The following SDHC variants were observed in gnomAD, a reference collection of about 807,000 sequenced individuals.
The protein encoded by SDHC is succinate dehydrogenase complex subunit C, also known as succinate dehydrogenase cytochrome b560 subunit, mitochondrial.
In SDHC, 11 loss-of-function variants were observed where a neutral mutation model predicts 22.6. The ratio of observed to expected loss-of-function variants is 0.49; its 90% CI spans 0.31 to 0.81. The LOEUF (loss-of-function observed/expected upper bound fraction) is 0.81, where lower values mean the gene tolerates loss of function less well. SDHC is among the 30% of genes least tolerant of loss of function. The pLI is 0.05. For synonymous variants in SDHC, 80 were observed against 77.8 expected (o/e 1.03, Z -0.15); for missense variants, 160 against 212.0 (o/e 0.75, Z 1.52).
chr1:161,361,700 A>G (rs950818836), intron 5 of SDHC, among the ~76,000 whole-genome samples: 1 of 152,074 alleles, frequency 6.6e-6, no homozygotes, highest in Admixed American at 6.6e-5. Flanking sequence ...AAAATTAGCC[A>G]GGCGTGGTGG....
At chr1:161,342,107 T>A (rs1437845014) in intron 4 of SDHC, among the ~76,000 whole-genome samples, 1 of 152,250 alleles carries the variant, frequency 6.6e-6, no homozygotes, top group Admixed American at 6.5e-5. Flanking sequence ...GTATTTCAAC[T>A]GGCATTTCTG....
At chr1:161,357,495 G>A (rs1173500534) in intron 5 of SDHC, among the ~76,000 whole-genome samples, 1 of 152,140 alleles carries the variant, frequency 6.6e-6, no homozygotes, top group East Asian at 1.9e-4. Flanking sequence ...CACCTCTTGG[G>A]TTCAAGAGAT....
rs756382502 is a variant in SDHC, at chr1:161,356,694, A to C, written c.259A>C (p.Met87Leu). Residue 87 changes from methionine (M) to leucine (L), a missense_variant, in exon 5 of 6, where the codon ATG becomes CTG. Physicochemically the swap from Met to Leu is conservative, Grantham distance 15. This residue lies in a region of SDHC where 74 missense variants were observed against 128.6 expected (regional missense o/e 0.58). Coordinates refer to ENST00000367975, the MANE Select transcript of SDHC (RefSeq NM_003001.5). ...CTCCTCAGGGGTCTCTCTTTTTGGC[A>C]TGTCGGCCCTGTTACTCCCTGGGAA... ...ALSAGVSLFG[M>L]SALLLPGNFE... 51 of 1,613,804 alleles carry C rather than the reference A, an allele frequency of 3.2e-5. No homozygotes were observed. In the South Asian group the frequency reaches 5.1e-4, roughly 16 times the overall value.
chr1:161,332,171 C>T (rs940895757), intron 3 of SDHC, among the ~76,000 whole-genome samples: 7 of 152,000 alleles, frequency 4.6e-5, no homozygotes, highest in Non-Finnish European at 1.0e-4. Flanking sequence ...AAGACGGTCT[C>T]AATATATTAC....
At chr1:161,356,911 A>G (rs576867154) in intron 5 of SDHC, 71 bp downstream of exon 5, 1 of 1,464,796 alleles carries the variant, frequency 6.8e-7, no homozygotes, top group Admixed American at 1.7e-5. Flanking sequence ...TCTTTCCTTC[A>G]TTACTGGGTT....
At chr1:161,349,351 G>T (rs890152216) in intron 4 of SDHC, among the ~76,000 whole-genome samples, 22 of 152,120 alleles carry the variant, frequency 1.4e-4, no homozygotes, top group African/African-American at 4.8e-4. Flanking sequence ...TGTAACGTGG[G>T]CTACTTGGGA....
chr1:161,339,662 G>GTTATTTTTTTTTTTTTTTTTTTT (rs1671638505), intron 3 of SDHC: 1 of 49,566 alleles, frequency 2.0e-5, no homozygotes, highest in Non-Finnish European at 3.5e-5. Flanking sequence ...TGATACAGGT[G>GTTATTTTTTTTTTTTTTTTTTTT]TTTTTTTTTT....
intron 3 of SDHC, among the ~76,000 whole-genome samples, chr1:161,338,682 A>G (rs1671585938): frequency 6.6e-6 from 1 of 152,230 alleles, no homozygotes; most frequent in Admixed American, 6.5e-5. Context: ...TTATTAGGAA[A>G]TAAGTGGTAT....
At chr1:161,335,180 C>G (rs537873893) in intron 3 of SDHC, among the ~76,000 whole-genome samples, 1 of 152,220 alleles carries the variant, frequency 6.6e-6, no homozygotes, top group East Asian at 1.9e-4. Flanking sequence ...AATACCCCTG[C>G]GGTAATGCTA....
intron 3 of SDHC, among the ~76,000 whole-genome samples, chr1:161,336,422 T>G (rs1487141383): frequency 6.6e-6 from 1 of 151,826 alleles, no homozygotes. Flanking sequence ...GCCACTGCAC[T>G]GTAGCCTGGC....
At chr1:161,354,791 C>T (rs1672213702) in intron 4 of SDHC, among the ~76,000 whole-genome samples, 2 of 151,240 alleles carry the variant, frequency 1.3e-5, no homozygotes, top group Non-Finnish European at 2.9e-5. Context: ...CTTCCTGCAA[C>T]CTCCACCTCC....
chr1:161,350,652 A>T (rs571860746), intron 4 of SDHC, among the ~76,000 whole-genome samples: 75 of 148,822 alleles, frequency 5.0e-4, no homozygotes, highest in African/African-American at 1.8e-3. Context: ...GATTGAAATT[A>T]AGTAAGGCAA....
At chr1:161,320,830 T>TTTTTTTC (rs1670810710) in intron 1 of SDHC, among the ~76,000 whole-genome samples, 1 of 144,916 alleles carries the variant, frequency 6.9e-6, no homozygotes, top group African/African-American at 2.6e-5. Context: ...CAGTCTTGAT[T>TTTTTTTC]TTTTTTTTTT....
At chr1:161,358,697 C>T (rs1268336079) in intron 5 of SDHC, among the ~76,000 whole-genome samples, 7 of 151,838 alleles carry the variant, frequency 4.6e-5, no homozygotes, top group South Asian at 2.1e-4. Context: ...GAGGCCGAGG[C>T]GGGCGGATAA....
At chr1:161,320,736 G>A (rs1408084797) in intron 1 of SDHC, among the ~76,000 whole-genome samples, 1 of 151,850 alleles carries the variant, frequency 6.6e-6, no homozygotes, top group Non-Finnish European at 1.5e-5. Context: ...CAACCAATAA[G>A]GTAGGTATTA....
intron 1 of SDHC, among the ~76,000 whole-genome samples, chr1:161,323,352 A>G (rs1404116630): frequency 1.3e-5 from 2 of 151,104 alleles, no homozygotes; most frequent in Non-Finnish European, 3.0e-5. Flanking sequence ...AACATTACCA[A>G]CTCTGATTAT....
At chr1:161,324,215 G>A (rs780805248) in intron 2 of SDHC, among the ~76,000 whole-genome samples, 37 of 152,158 alleles carry the variant, frequency 2.4e-4, no homozygotes, top group Non-Finnish European at 4.1e-4. Context: ...AGGGCTTGCC[G>A]TAGCCTCAGC....
chr1:161,359,435 C>T (rs1469240194), intron 5 of SDHC, among the ~76,000 whole-genome samples: 2 of 152,206 alleles, frequency 1.3e-5, no homozygotes, highest in African/African-American at 4.8e-5. Context: ...GAGGGGGAGG[C>T]AGTAGAGAGG....
At chr1:161,360,076 T>C (rs1558184684) in intron 5 of SDHC, among the ~76,000 whole-genome samples, 1 of 151,750 alleles carries the variant, frequency 6.6e-6, no homozygotes, top group East Asian at 1.9e-4. Context: ...AACTGACTCC[T>C]AATTTAGGCA....
Sources: allele counts gnomAD v4.1 joint callset (sites outside exome capture counted in the v4.1 genomes callset), GRCh38; gene constraint gnomAD v4.1.1; regional missense constraint gnomAD v4.1.1; transcripts MANE v1.5; gene names NCBI Gene and HGNC (gene_info 2026-07-23, HGNC 2026-07-21).